The following FUT9 variants were observed in gnomAD, a reference collection of about 807,000 sequenced individuals.
FUT9 encodes 4-galactosyl-N-acetylglucosaminide 3-alpha-L-fucosyltransferase 9.
A neutral mutation model predicts 29.7 loss-of-function variants in FUT9; 15 were observed. The observed-to-expected ratio is 0.51, with a 90% CI of 0.34 to 0.78. The LOEUF is 0.78. FUT9 is among the 30% of genes least tolerant of loss of function. The probability of loss-of-function intolerance (pLI) is 0.01; values close to 1 mark genes in which losing one functional copy is unlikely to be tolerated. For missense variants in FUT9, 319 were observed against 425.4 expected (o/e 0.75, Z 2.20); for synonymous variants, 169 against 153.7 (o/e 1.10, Z -0.74).
In FUT9 at chr6:96,210,237, G is replaced by A. The variant is rs1029176382; in HGVS notation, c.*6002G>A. ...CACCTGGAATCTTCTTAAATATATC[G>A]GTAAAGTATTCTACTTCAAAATCCA... On this transcript the variant is annotated 3_prime_UTR_variant, in exon 3 of 3. Transcript: ENST00000302103. The A allele has an allele frequency of 9.0e-5, 15 of 166,810 alleles. 1 individual carries two copies. Among genetic ancestry groups the A allele is most frequent in the Admixed American group, 5.3e-4 (8 of 15,232 alleles). The allele number at this position is 166,810 out of a possible 1,614,324, so 10.3% of individuals were successfully genotyped here.
intron 2 of FUT9, among the ~76,000 whole-genome samples, chr6:96,154,823 G>A (rs1772745365): frequency 6.6e-6 from 1 of 152,174 alleles, no homozygotes; most frequent in South Asian, 2.1e-4. Context: ...TATTTCATGT[G>A]AACACTTCTG....
intron 1 of FUT9, among the ~76,000 whole-genome samples, chr6:96,056,624 C>T (rs1352808826): frequency 6.6e-6 from 1 of 152,030 alleles, no homozygotes; most frequent in Non-Finnish European, 1.5e-5. Context: ...GTGGCATGTG[C>T]CTGTAGTCCC....
intron 1 of FUT9, among the ~76,000 whole-genome samples, chr6:96,088,997 A>G (rs2127953207): frequency 6.6e-6 from 1 of 150,640 alleles, no homozygotes; most frequent in African/African-American, 2.5e-5. Context: ...GTAAAATCAG[A>G]GCAGCCTTAA....
At chr6:96,129,531 AAG>A (rs1772203408) in intron 2 of FUT9, among the ~76,000 whole-genome samples, 1 of 152,008 alleles carries the variant, frequency 6.6e-6, no homozygotes. Flanking sequence ...AAATAAACAG[AAG>A]AGTCTCAATT....
chr6:96,145,797 G>A (rs1582265660), intron 2 of FUT9, among the ~76,000 whole-genome samples: 1 of 152,246 alleles, frequency 6.6e-6, no homozygotes. Flanking sequence ...TGGGGAGAAG[G>A]CCTTCACAGG....
Position 96,207,982 on chromosome 6 carries a change from A to T in FUT9, c.*3747A>T, listed in dbSNP as rs1335615813. 6.0e-6 allele frequency: 1 copy of T among 166,906 alleles called. No homozygotes were observed. The highest frequency in any genetic ancestry group is 6.6e-5 in the Admixed American group (1 of 15,252). 10.3% of individuals were successfully genotyped at this position (166,906 alleles called of 1,614,324 possible). On this transcript the variant is annotated 3_prime_UTR_variant, in exon 3 of 3. Transcript: ENST00000302103. ...CAATATGAAGTAGAAACTGAAAAAAAAAATCATCTTAGTGGGAAACAAATA... is the reference window on the plus strand; with the variant it reads ...CAATATGAAGTAGAAACTGAAAAAATAAATCATCTTAGTGGGAAACAAATA...
chr6:96,102,622 C>T (rs151189160), intron 1 of FUT9, among the ~76,000 whole-genome samples: 1 of 152,278 alleles, frequency 6.6e-6, no homozygotes, highest in East Asian at 1.9e-4. Flanking sequence ...TATGTGTAAA[C>T]AGCCTTAAGC....
Position 96,069,611 on chromosome 6 carries a change from A to AT in FUT9, c.-97-44421dup, listed in dbSNP as rs1467567613. On this transcript the variant is annotated intron_variant, in intron 1 of 2. Transcript: ENST00000302103. Reference sequence around the variant, plus strand: ...AAGTAGCTAAACAGAACAAACTATTATTTTTTTATTTTTTTATTTTTTATT... The same window carrying AT: ...AAGTAGCTAAACAGAACAAACTATTATTTTTTTTATTTTTTTATTTTTTATT... Among the ~76,000 whole-genome samples, 4 of 99,632 alleles carry AT rather than the reference A, an allele frequency of 4.0e-5. No homozygotes were observed. The East Asian group carries it at 1.3e-3, about 32-fold the overall frequency. The allele number at this position is 99,632 out of a possible 152,430, so 65.4% of individuals were successfully genotyped here.
intron 2 of FUT9, among the ~76,000 whole-genome samples, chr6:96,173,890 ATTTT>A (rs1351906016): frequency 6.6e-6 from 1 of 152,080 alleles, no homozygotes; most frequent in Non-Finnish European, 1.5e-5. Flanking sequence ...TGTCATTAAA[ATTTT>A]CTATTAAAAA....
chr6:96,188,884 G>A (rs1262780880), intron 2 of FUT9, among the ~76,000 whole-genome samples: 3 of 151,952 alleles, frequency 2.0e-5, no homozygotes, highest in Non-Finnish European at 4.4e-5. Context: ...AATATGACAA[G>A]TATGATTTAG....
intron 2 of FUT9, among the ~76,000 whole-genome samples, chr6:96,174,457 A>T (rs1773168568): frequency 6.6e-6 from 1 of 152,060 alleles, no homozygotes; most frequent in African/African-American, 2.4e-5. Context: ...ACCTAAAAAT[A>T]AAAAAACATC....
rs1773952755 is a variant in FUT9 at position 96,212,314 on chromosome 6, T to C, written c.*8079T>C. ...ATGAGCTCATCTAGGATGGAATACA[T>C]GTCTCCAGGGACTGTAATGAGATCA... On this transcript the variant is annotated 3_prime_UTR_variant, in exon 3 of 3. Coordinates refer to ENST00000302103, the MANE Select transcript of FUT9 (RefSeq NM_006581.4). 1 of 412,776 alleles carries C rather than the reference T, an allele frequency of 2.4e-6. No individual in the cohort carries two copies. 25.6% of individuals were successfully genotyped at this position (412,776 alleles called of 1,614,324 possible).
chr6:96,054,621 T>C (rs1293188918), intron 1 of FUT9, among the ~76,000 whole-genome samples: 2 of 152,202 alleles, frequency 1.3e-5, no homozygotes, highest in East Asian at 3.8e-4. Context: ...TAATGCAATG[T>C]AGCAGATAGA....
intron 1 of FUT9, among the ~76,000 whole-genome samples, chr6:96,016,547 G>A (rs1179424115): frequency 6.6e-6 from 1 of 151,986 alleles, no homozygotes; most frequent in African/African-American, 2.4e-5. Context: ...CTGTCCCTGC[G>A]TTCCCACCTT....
intron 1 of FUT9, among the ~76,000 whole-genome samples, chr6:96,107,691 A>G (rs1771717884): frequency 6.6e-6 from 1 of 152,212 alleles, no homozygotes; most frequent in South Asian, 2.1e-4. Context: ...TTCTTAAGAC[A>G]TTGATGTTTG....
intron 2 of FUT9, among the ~76,000 whole-genome samples, chr6:96,200,205 G>A (rs1773703889): frequency 6.6e-6 from 1 of 152,042 alleles, no homozygotes; most frequent in Admixed American, 6.6e-5. Flanking sequence ...ACTAATAAGT[G>A]CCATATATAT....
At chr6:96,150,179 G>A (rs534002107) in intron 2 of FUT9, among the ~76,000 whole-genome samples, 1 of 152,228 alleles carries the variant, frequency 6.6e-6, no homozygotes, top group East Asian at 1.9e-4. Flanking sequence ...GTGTTATACT[G>A]GTGTGCTATA....
At chr6:96,189,750 A>G (rs1298022506) in intron 2 of FUT9, among the ~76,000 whole-genome samples, 4 of 151,502 alleles carry the variant, frequency 2.6e-5, no homozygotes, top group African/African-American at 9.7e-5. Context: ...TTTGTTTTCC[A>G]TTTGCTTGGT....
intron 1 of FUT9, among the ~76,000 whole-genome samples, chr6:96,110,435 CATGTTAGCTTGGG>C (rs1771778899): frequency 6.6e-6 from 1 of 152,144 alleles, no homozygotes; most frequent in African/African-American, 2.4e-5. Context: ...TTGGGATCCA[CATGTTAGCTTGGG>C]ATTACTCAGC....
Sources: allele counts gnomAD v4.1 joint callset (sites outside exome capture counted in the v4.1 genomes callset), GRCh38; gene constraint gnomAD v4.1.1; transcripts MANE v1.5; gene names NCBI Gene and HGNC (gene_info 2026-07-23, HGNC 2026-07-21).